Variants in PDZRN4 observed in about 807,000 individuals in gnomAD.
PDZRN4 encodes PDZ domain containing ring finger 4.
PDZRN4 carries 70 observed loss-of-function variants against 99.0 expected under a neutral mutation model. The observed-to-expected ratio is 0.71, with a 90% CI of 0.58 to 0.86. The LOEUF (loss-of-function observed/expected upper bound fraction) is 0.86, where lower values mean the gene tolerates loss of function less well. Among genes scored for constraint, PDZRN4 ranks in the 40% least tolerant of loss-of-function variants. PDZRN4 has a pLI of 0.00. For synonymous variants in PDZRN4, 551 were observed against 501.6 expected, an observed-to-expected ratio of 1.10 and a Z score of -1.32; for missense variants, 1,474 against 1,331.2, an observed-to-expected ratio of 1.11 and a Z score of -1.67.
At chr12:41,267,973 T>A (rs1951290091) in intron 3 of PDZRN4, among the ~76,000 whole-genome samples, 1 of 152,208 alleles carries the variant, frequency 6.6e-6, no homozygotes, top group African/African-American at 2.4e-5. Context: ...GCTTCCATGG[T>A]GGCCCAGGGG....
At chr12:41,301,199 A>G (rs574955944) in intron 3 of PDZRN4, among the ~76,000 whole-genome samples, 129 of 152,172 alleles carry the variant, frequency 8.5e-4, no homozygotes, top group Non-Finnish European at 1.6e-3. Flanking sequence ...GGGAAGAGGC[A>G]GAAACGATGA....
intron 3 of PDZRN4, among the ~76,000 whole-genome samples, chr12:41,363,246 A>G (rs772805871): frequency 1.3e-5 from 2 of 152,034 alleles, no homozygotes; most frequent in Non-Finnish European, 2.9e-5. Flanking sequence ...TTTTGTTTTT[A>G]TTACCCCCTC....
At chr12:41,490,081 A>G (rs1237666919) in intron 3 of PDZRN4, among the ~76,000 whole-genome samples, 2 of 152,172 alleles carry the variant, frequency 1.3e-5, no homozygotes, top group Non-Finnish European at 2.9e-5. Context: ...CAATTAAACC[A>G]ATATTTGCCT....
intron 3 of PDZRN4, among the ~76,000 whole-genome samples, chr12:41,350,397 G>A (rs1318430153): frequency 6.6e-6 from 1 of 152,050 alleles, no homozygotes; most frequent in East Asian, 1.9e-4. Flanking sequence ...AATTAATCTT[G>A]ATGAATGTCT....
chr12:41,215,957 A>G (rs1433138904), intron 3 of PDZRN4, among the ~76,000 whole-genome samples: 1 of 151,944 alleles, frequency 6.6e-6, no homozygotes, highest in Non-Finnish European at 1.5e-5. Context: ...TAAATCATAA[A>G]GTGTTCTACA....
At chr12:41,509,079 T>G (rs1287095120) in intron 4 of PDZRN4, among the ~76,000 whole-genome samples, 2 of 152,168 alleles carry the variant, frequency 1.3e-5, no homozygotes, top group African/African-American at 4.8e-5. Flanking sequence ...TATTTAAAAA[T>G]TTCCTAAAAG....
chr12:41,523,119 G>A (rs1938519720), intron 5 of PDZRN4, among the ~76,000 whole-genome samples: 1 of 152,032 alleles, frequency 6.6e-6, no homozygotes, highest in African/African-American at 2.4e-5. Context: ...TTCCTTATCT[G>A]TGAAAAGAAG....
rs139831140 is a variant in PDZRN4 at position 41,507,353 on chromosome 12, C to G, written c.1100+641C>G. The stretch of plus-strand genomic sequence containing the variant: ...TCAGAGAGATTTTATTCAAATAATC[C>G]TACTTGAACAGTTTTAAAAGTATGC... On this transcript the variant is annotated intron_variant, in intron 4 of 9. Coordinates refer to ENST00000402685, the MANE Select transcript of PDZRN4 (RefSeq NM_001164595.2). Among the ~76,000 whole-genome samples, 480 of 152,208 alleles carry G rather than the reference C, an allele frequency of 3.2e-3. 2 individuals carry two copies. Among genetic ancestry groups the G allele is most frequent in the African/African-American group, 0.011 (466 of 41,550 alleles).
At chr12:41,539,771 A>G (rs1356569612) in intron 5 of PDZRN4, among the ~76,000 whole-genome samples, 2 of 152,210 alleles carry the variant, frequency 1.3e-5, no homozygotes, top group African/African-American at 4.8e-5. Flanking sequence ...TCAAATAAAG[A>G]GAAGTTCTGA....
chr12:41,434,935 A>T (rs777603350), intron 3 of PDZRN4, among the ~76,000 whole-genome samples: 16 of 152,208 alleles, frequency 1.1e-4, no homozygotes, highest in Non-Finnish European at 2.1e-4. Flanking sequence ...CCAATGCAAG[A>T]TTTAGTTATT....
chr12:41,454,399 T>A, intron 3 of PDZRN4, among the ~76,000 whole-genome samples: 1 of 152,214 alleles, frequency 6.6e-6, no homozygotes, highest in Non-Finnish European at 1.5e-5. Context: ...TTAGGAGACA[T>A]GGTAGAGTCA....
chr12:41,322,704 G>A (rs1951688297), intron 3 of PDZRN4, among the ~76,000 whole-genome samples: 1 of 151,744 alleles, frequency 6.6e-6, no homozygotes, highest in Non-Finnish European at 1.5e-5. Flanking sequence ...CACCATGTTA[G>A]CCAGGATGGT....
chr12:41,317,048 GTATATA>G (rs33919115), intron 3 of PDZRN4, among the ~76,000 whole-genome samples: 1,633 of 69,582 alleles, frequency 0.023, 78 homozygotes, highest in African/African-American at 0.055. Context: ...CTTACATAAA[GTATATA>G]TATATATATA....
chr12:41,192,914 G>GT (rs1431574254), intron 2 of PDZRN4, among the ~76,000 whole-genome samples: 1 of 152,104 alleles, frequency 6.6e-6, no homozygotes, highest in Non-Finnish European at 1.5e-5. Context: ...AATTTTCACC[G>GT]TAACTGGAAA....
intron 3 of PDZRN4, among the ~76,000 whole-genome samples, chr12:41,476,787 G>A (rs144696418): frequency 3.9e-5 from 6 of 152,250 alleles, no homozygotes; most frequent in East Asian, 1.9e-4. Context: ...CCTGCCTGGC[G>A]GCCTCGATCT....
intron 3 of PDZRN4, among the ~76,000 whole-genome samples, chr12:41,348,567 A>G (rs1380368138): frequency 1.3e-5 from 2 of 152,128 alleles, no homozygotes; most frequent in Non-Finnish European, 2.9e-5. Context: ...TTCTTGATGT[A>G]GTAGTAAAAT....
At chr12:41,217,122 G>A (rs757762304) in intron 3 of PDZRN4, among the ~76,000 whole-genome samples, 5 of 152,092 alleles carry the variant, frequency 3.3e-5, no homozygotes, top group Non-Finnish European at 7.4e-5. Context: ...AGCAGATGAG[G>A]CAATAGTGTG....
At chr12:41,563,254 T>C (rs531187640) in intron 7 of PDZRN4, among the ~76,000 whole-genome samples, 1 of 152,262 alleles carries the variant, frequency 6.6e-6, no homozygotes, top group South Asian at 2.1e-4. Flanking sequence ...AAGATGAACG[T>C]CACCTGTCAG....
intron 3 of PDZRN4, among the ~76,000 whole-genome samples, chr12:41,480,844 A>G (rs185314559): frequency 5.3e-5 from 8 of 152,280 alleles, no homozygotes; most frequent in Non-Finnish European, 1.0e-4. Context: ...AATAAATACG[A>G]TTTCAGCAGG....
Sources: gnomAD v4.1 joint callset for allele counts (sites outside exome capture counted in the v4.1 genomes callset) on GRCh38, gnomAD v4.1.1 for gene constraint, MANE v1.5 for transcripts, NCBI Gene and HGNC (gene_info 2026-07-23, HGNC 2026-07-21) for gene names.